The following RNF216 variants were observed in gnomAD, a reference collection of about 807,000 sequenced individuals.
The protein encoded by RNF216 is E3 ubiquitin-protein ligase RNF216.
In RNF216, 72 loss-of-function variants were observed where a neutral mutation model predicts 110.8. That is an observed-to-expected ratio of 0.65 (90% CI 0.54 to 0.79). RNF216 has a LOEUF of 0.79. RNF216 is among the 30% of genes least tolerant of loss of function. The probability of loss-of-function intolerance (pLI) is 0.00; values close to 1 mark genes in which losing one functional copy is unlikely to be tolerated. For synonymous variants in RNF216, 495 were observed against 407.5 expected, an observed-to-expected ratio of 1.21 and a Z score of -2.59; for missense variants, 1,342 against 1,141.2, an observed-to-expected ratio of 1.18 and a Z score of -2.54.
chr7:5,646,398 G>C (rs1788050624), intron 14 of RNF216, among the ~76,000 whole-genome samples: 2 of 151,116 alleles, frequency 1.3e-5, no homozygotes, highest in African/African-American at 4.9e-5. Flanking sequence ...CAAAACAAAA[G>C]GAAAAAAAAA....
intron 7 of RNF216, among the ~76,000 whole-genome samples, chr7:5,727,516 C>T (rs1793833492): frequency 6.6e-6 from 1 of 152,092 alleles, no homozygotes; most frequent in African/African-American, 2.4e-5. Flanking sequence ...AGCCTGAGGC[C>T]AGGAGTTCAA....
chr7:5,675,219 C>T (rs1454677771), intron 13 of RNF216, among the ~76,000 whole-genome samples: 2 of 152,206 alleles, frequency 1.3e-5, no homozygotes, highest in African/African-American at 4.8e-5. Context: ...CTATGCTGGG[C>T]ACTTCACAGA....
intron 13 of RNF216, among the ~76,000 whole-genome samples, chr7:5,692,128 T>C (rs1252350802): frequency 6.6e-6 from 1 of 152,238 alleles, no homozygotes; most frequent in African/African-American, 2.4e-5. Context: ...TGGAAAAGGC[T>C]TAGCACGGCT....
rs1786434581 is a variant in RNF216 at position 5,622,547 on chromosome 7, G to A, written c.*313C>T. ...CCGAGGAGAGGCCCAGGTGTGAGCA[G>A]CAGGGACCTGGTCTATGGCCTATGC... On this transcript the variant is annotated 3_prime_UTR_variant, in exon 17 of 17. Coordinates refer to ENST00000389902, the MANE Select transcript of RNF216 (RefSeq NM_207111.4). 2 of 314,640 alleles carry A rather than the reference G, an allele frequency of 6.4e-6. No individual in the cohort carries two copies. The highest frequency in any genetic ancestry group is 5.9e-6 in the Non-Finnish European group (1 of 170,842). The allele number at this position is 314,640 out of a possible 1,614,324, so 19.5% of individuals were successfully genotyped here. A position where few individuals can be genotyped will look rare whatever the true frequency, so the allele number is the denominator to read the frequency against.
chr7:5,721,443 T>C (rs917902518), intron 8 of RNF216, among the ~76,000 whole-genome samples: 2 of 152,370 alleles, frequency 1.3e-5, no homozygotes, highest in South Asian at 2.1e-4. Context: ...TATGTGAATA[T>C]ACCACAATTT....
At chr7:5,642,489 A>G (rs537360243) in intron 14 of RNF216, among the ~76,000 whole-genome samples, 1 of 150,410 alleles carries the variant, frequency 6.6e-6, no homozygotes, top group South Asian at 2.1e-4. Context: ...TGCTGGGATT[A>G]CAAGTGTGAG....
In RNF216 at chr7:5,720,902, AC is replaced by A. The variant is rs1203786627; in HGVS notation, c.1644+130del. ...AAAATCCAGGTTTTTTCTTTTAAAA[AC>A]TTTGCATATATCCAAATTTAACAGT... On this transcript the variant is annotated intron_variant, in intron 9 of 16. Coordinates refer to ENST00000389902, the MANE Select transcript of RNF216 (RefSeq NM_207111.4). 3 of 834,474 alleles carry A rather than the reference AC, an allele frequency of 3.6e-6. No homozygotes were observed. In the African/African-American group the frequency reaches 5.1e-5, roughly 14 times the overall value. The allele number at this position is 834,474 out of a possible 1,614,324, so 51.7% of individuals were successfully genotyped here. A position where few individuals can be genotyped will look rare whatever the true frequency, so the allele number is the denominator to read the frequency against.
At position 5,622,910 on chromosome 7, in the gene RNF216, C is replaced by G; in HGVS notation, c.2722G>C (p.Glu908Gln). Reference protein sequence around the residue: ...YDFGPIHMPLEHNLPMHFGPQ... With the variant: ...YDFGPIHMPLQHNLPMHFGPQ... The stretch of plus-strand genomic sequence containing the variant: ...CCAAAGTGCATGGGCAGGTTGTGCT[C>G]CAGGGGCATGTGGATGGGACCGAAG... The change falls in exon 17 of 17, where the codon GAG (glutamate) becomes CAG (glutamine). Residue 908 changes from glutamate to glutamine, a missense_variant. Transcript: ENST00000389902. The G allele has an allele frequency of 6.2e-7, 1 of 1,612,856 alleles. No homozygotes were observed. Among genetic ancestry groups the G allele is most frequent in the Non-Finnish European group, 8.5e-7 (1 of 1,179,404 alleles).
chr7:5,699,807 ACT>A, intron 13 of RNF216, among the ~76,000 whole-genome samples: 1 of 152,202 alleles, frequency 6.6e-6, no homozygotes, highest in Non-Finnish European at 1.5e-5. Context: ...ACATTTTCTA[ACT>A]GTGGTCTGTG....
rs1466345006 is a variant in RNF216, at chr7:5,624,776, G to GC, written c.2383-652_2383-651insG. On this transcript the variant is annotated intron_variant, in intron 15 of 16. Coordinates refer to ENST00000389902, the MANE Select transcript of RNF216 (RefSeq NM_207111.4). This position sits in a 1 kb window ranked among gnomAD's most constrained non-coding sequence, Gnocchi z 4.4. ...GTTATCCAAGCCTCAGACACGAACCGAAGAGGCACTGTGAGTGCAGGCAGA... is the reference window on the plus strand; with the variant it reads ...GTTATCCAAGCCTCAGACACGAACCGCAAGAGGCACTGTGAGTGCAGGCAGA... Among the ~76,000 whole-genome samples, 1 of 152,218 alleles carries GC rather than the reference G, an allele frequency of 6.6e-6. No individual in the cohort carries two copies. Among genetic ancestry groups the GC allele is most frequent in the African/African-American group, 2.4e-5 (1 of 41,452 alleles).
At chr7:5,698,384 T>C (rs866001665) in intron 13 of RNF216, among the ~76,000 whole-genome samples, 75 of 145,394 alleles carry the variant, frequency 5.2e-4, no homozygotes, top group African/African-American at 1.6e-3. Context: ...GATTCTTTTA[T>C]ACACACACAC....
At chr7:5,637,458 G>A (rs890262475) in intron 15 of RNF216, among the ~76,000 whole-genome samples, 1 of 152,208 alleles carries the variant, frequency 6.6e-6, no homozygotes, top group South Asian at 2.1e-4. Context: ...AGCTTGTTCC[G>A]TGATAGAACA....
At chr7:5,647,694 G>T (rs1342211408) in intron 14 of RNF216, among the ~76,000 whole-genome samples, 1 of 152,096 alleles carries the variant, frequency 6.6e-6, no homozygotes, top group Admixed American at 6.6e-5. Context: ...TATCACCCAA[G>T]CTAGAAGCCT....
At chr7:5,775,358 A>G in intron 1 of RNF216, among the ~76,000 whole-genome samples, 1 of 152,166 alleles carries the variant, frequency 6.6e-6, no homozygotes. Context: ...GCTGTCTTCT[A>G]CAAATCATTT....
intron 5 of RNF216, among the ~76,000 whole-genome samples, chr7:5,735,374 A>G (rs533811576): frequency 6.6e-6 from 1 of 152,316 alleles, no homozygotes; most frequent in Non-Finnish European, 1.5e-5. Context: ...ACAGAATATG[A>G]TTCCCAAGAA....
intron 13 of RNF216, among the ~76,000 whole-genome samples, chr7:5,664,796 T>TTTTTTTC (rs1314688189): frequency 6.6e-6 from 1 of 152,138 alleles, no homozygotes; most frequent in Admixed American, 6.6e-5. Context: ...ACAAAATTCT[T>TTTTTTTC]TTTTTTCTTT....
intron 13 of RNF216, among the ~76,000 whole-genome samples, chr7:5,657,151 G>A (rs1477890296): frequency 2.6e-5 from 4 of 152,248 alleles, no homozygotes; most frequent in African/African-American, 9.6e-5. Flanking sequence ...GGTTCCTACA[G>A]TGAAACCTGT....
intron 13 of RNF216, among the ~76,000 whole-genome samples, chr7:5,707,870 C>T (rs936065595): frequency 6.6e-6 from 1 of 152,028 alleles, no homozygotes; most frequent in African/African-American, 2.4e-5. Context: ...CGATTACAGG[C>T]GCACGCAACC....
At chr7:5,705,052 A>C (rs758957518) in intron 13 of RNF216, among the ~76,000 whole-genome samples, 4 of 152,176 alleles carry the variant, frequency 2.6e-5, no homozygotes, top group Non-Finnish European at 5.9e-5. Context: ...TTCTAAGCTA[A>C]TAATAATCTC....
Sources: allele counts gnomAD v4.1 joint callset (sites outside exome capture counted in the v4.1 genomes callset), GRCh38; gene constraint gnomAD v4.1.1; non-coding constraint Gnocchi (gnomAD v3.1); transcripts MANE v1.5; gene names NCBI Gene and HGNC (gene_info 2026-07-23, HGNC 2026-07-21).